NRG3: variants seen among roughly 807,000 people sequenced by gnomAD.
NRG3 encodes the protein neuregulin 3.
NRG3 carries 31 observed loss-of-function variants against 66.9 expected under a neutral mutation model. The ratio of observed to expected loss-of-function variants is 0.46; its 90% CI spans 0.35 to 0.63. The LOEUF (loss-of-function observed/expected upper bound fraction) is 0.63. NRG3 is among the 20% of genes least tolerant of loss of function. The pLI, the probability that NRG3 is intolerant of heterozygous loss-of-function variation, is 0.00. For missense variants in NRG3, 910 were observed against 878.9 expected (o/e 1.04, Z -0.45); for synonymous variants, 393 against 359.4 (o/e 1.09, Z -1.06).
At chr10:82,358,462 G>T (rs997541102) in intron 1 of NRG3, among the ~76,000 whole-genome samples, 2 of 152,154 alleles carry the variant, frequency 1.3e-5, no homozygotes, top group Non-Finnish European at 2.9e-5. Flanking sequence ...GTTTGACTTA[G>T]GATCATTCAG....
intron 4 of NRG3, among the ~76,000 whole-genome samples, chr10:82,889,581 G>A (rs1842981316): frequency 6.6e-6 from 1 of 152,152 alleles, no homozygotes; most frequent in African/African-American, 2.4e-5. Context: ...AGTTAGAATG[G>A]TCTAGATTTA....
At chr10:82,508,056 C>A (rs555471489) in intron 2 of NRG3, among the ~76,000 whole-genome samples, 4 of 152,252 alleles carry the variant, frequency 2.6e-5, no homozygotes, top group Admixed American at 2.6e-4. Flanking sequence ...TTAAATGTTC[C>A]AAAGTTTAAA....
At chr10:82,888,864 A>T (rs1230192724) in intron 4 of NRG3, among the ~76,000 whole-genome samples, 5 of 152,030 alleles carry the variant, frequency 3.3e-5, no homozygotes, top group Non-Finnish European at 1.5e-5. Context: ...TTTTAGTGGA[A>T]ATTGAAGTTA....
At chr10:82,734,335 G>A (rs978930382) in intron 2 of NRG3, among the ~76,000 whole-genome samples, 2 of 152,162 alleles carry the variant, frequency 1.3e-5, no homozygotes, top group African/African-American at 4.8e-5. Flanking sequence ...GTCAAGAGTA[G>A]AAATAGTGAT....
intron 2 of NRG3, among the ~76,000 whole-genome samples, chr10:82,712,232 G>A (rs1251817433): frequency 2.6e-5 from 4 of 152,090 alleles, no homozygotes; most frequent in Non-Finnish European, 4.4e-5. Context: ...GATTAATAAA[G>A]TTCACTATTA....
intron 3 of NRG3, among the ~76,000 whole-genome samples, chr10:82,757,408 A>T (rs1012809325): frequency 6.6e-6 from 1 of 152,124 alleles, no homozygotes; most frequent in Non-Finnish European, 1.5e-5. Flanking sequence ...GAGAATGATT[A>T]GATTGCTACT....
intron 2 of NRG3, among the ~76,000 whole-genome samples, chr10:82,592,430 C>A (rs2047034064): frequency 6.6e-6 from 1 of 152,134 alleles, no homozygotes; most frequent in Non-Finnish European, 1.5e-5. Flanking sequence ...AGATCTCAGT[C>A]ACATGGCAAA....
chr10:82,418,510 A>C (rs1287166428), intron 2 of NRG3, among the ~76,000 whole-genome samples: 1 of 152,218 alleles, frequency 6.6e-6, no homozygotes, highest in Non-Finnish European at 1.5e-5. Context: ...ATTCACTGGG[A>C]ACATTTGAAC....
At chr10:82,509,593 T>C (rs1035976042) in intron 2 of NRG3, among the ~76,000 whole-genome samples, 3 of 152,158 alleles carry the variant, frequency 2.0e-5, no homozygotes, top group African/African-American at 7.2e-5. Context: ...CTAAATATCA[T>C]TTTTGAAATT....
chr10:82,802,862 A>G (rs530287855), intron 3 of NRG3, among the ~76,000 whole-genome samples: 6 of 152,130 alleles, frequency 3.9e-5, no homozygotes, highest in Admixed American at 3.9e-4. Flanking sequence ...TATGGTAGGG[A>G]CAAGGCTTTG....
At chr10:82,033,336 A>G (rs1169095391) in intron 1 of NRG3, among the ~76,000 whole-genome samples, 1 of 152,220 alleles carries the variant, frequency 6.6e-6, no homozygotes, top group East Asian at 1.9e-4. Context: ...CCTACAGTAC[A>G]TTGTTCCCTC....
chr10:82,024,288 A>G (rs2062193953), intron 1 of NRG3, among the ~76,000 whole-genome samples: 1 of 151,862 alleles, frequency 6.6e-6, no homozygotes, highest in Non-Finnish European at 1.5e-5. Context: ...TCTTTGCAAA[A>G]TAACAAGTTG....
intron 3 of NRG3, among the ~76,000 whole-genome samples, chr10:82,845,040 A>G (rs931663228): frequency 6.6e-6 from 1 of 152,174 alleles, no homozygotes; most frequent in East Asian, 1.9e-4. Context: ...CTGTAATCCC[A>G]GCTACCTGGG....
At chr10:82,730,752 T>G (rs2057860053) in intron 2 of NRG3, among the ~76,000 whole-genome samples, 1 of 152,220 alleles carries the variant, frequency 6.6e-6, no homozygotes, top group African/African-American at 2.4e-5. Context: ...CTTTAATCAA[T>G]GTCACAAAAT....
chr10:82,968,648 G>A (rs78707633), intron 6 of NRG3, among the ~76,000 whole-genome samples: 1,602 of 150,188 alleles, frequency 0.011, 16 homozygotes, highest in Admixed American at 0.016. Flanking sequence ...AGGAAGGAAG[G>A]GAGGAAGGGA....
chr10:82,758,189 A>T, intron 3 of NRG3, among the ~76,000 whole-genome samples: 1 of 151,768 alleles, frequency 6.6e-6, no homozygotes, highest in East Asian at 1.9e-4. Flanking sequence ...TGCTCCAGTA[A>T]CCTCCCTGAA....
At chr10:82,908,279 C>A (rs1844954139) in intron 4 of NRG3, among the ~76,000 whole-genome samples, 1 of 152,180 alleles carries the variant, frequency 6.6e-6, no homozygotes, top group Non-Finnish European at 1.5e-5. Flanking sequence ...AGGAGAATGT[C>A]TCAGTGATGA....
chr10:82,180,646 A>C (rs909612139), intron 1 of NRG3, among the ~76,000 whole-genome samples: 13 of 151,744 alleles, frequency 8.6e-5, no homozygotes, highest in Admixed American at 3.9e-4. Context: ...TTGATTTGTT[A>C]ATATTTTGTT....
At chr10:82,412,484 C>G (rs2088174209) in intron 2 of NRG3, among the ~76,000 whole-genome samples, 1 of 152,130 alleles carries the variant, frequency 6.6e-6, no homozygotes, top group Non-Finnish European at 1.5e-5. Flanking sequence ...TGTGAGCCTT[C>G]AGTGAGTTAT....
Sources: allele counts gnomAD v4.1 joint callset (sites outside exome capture counted in the v4.1 genomes callset), GRCh38; gene constraint gnomAD v4.1.1; transcripts MANE v1.5; gene names NCBI Gene and HGNC (gene_info 2026-07-23, HGNC 2026-07-21).